The following MYO10 variants were observed in gnomAD, a reference collection of about 807,000 sequenced individuals.
MYO10 encodes myosin X, also known as unconventional myosin-X.
MYO10 carries 133 observed loss-of-function variants against 257.3 expected under a neutral mutation model. That is an observed-to-expected ratio of 0.52 (90% CI 0.45 to 0.60). The LOEUF (loss-of-function observed/expected upper bound fraction) is 0.60. Among genes scored for constraint, MYO10 ranks in the 20% least tolerant of loss-of-function variants. The probability of loss-of-function intolerance (pLI) is 0.00; values close to 1 mark genes in which losing one functional copy is unlikely to be tolerated. For missense variants in MYO10, 2,399 were observed against 2,635.7 expected, an observed-to-expected ratio of 0.91 and a Z score of 1.97; for synonymous variants, 1,104 against 1,028.6, an observed-to-expected ratio of 1.07 and a Z score of -1.40.
intron 9 of MYO10, among the ~76,000 whole-genome samples, chr5:16,770,404 T>G (rs1267564518): frequency 6.6e-6 from 1 of 152,092 alleles, no homozygotes; most frequent in Non-Finnish European, 1.5e-5. Flanking sequence ...TAATGCTGTT[T>G]GAGGAAAAAT....
chr5:16,737,352 C>T (rs1320187828), intron 19 of MYO10, among the ~76,000 whole-genome samples: 1 of 152,138 alleles, frequency 6.6e-6, no homozygotes, highest in Non-Finnish European at 1.5e-5. Flanking sequence ...CTAGGACAGC[C>T]ATTCATCTGA....
chr5:16,768,642 G>C (rs959031396), intron 10 of MYO10, among the ~76,000 whole-genome samples: 1 of 148,956 alleles, frequency 6.7e-6, no homozygotes, highest in Non-Finnish European at 1.5e-5. Context: ...TCTATTCAAG[G>C]AGTCAGAACA....
chr5:16,676,203 C>A (rs776451983), intron 33 of MYO10, 49 bp from the exon 34 acceptor site: 38 of 1,597,520 alleles, frequency 2.4e-5, no homozygotes, highest in Non-Finnish European at 3.2e-5. Context: ...TATTTTCCTA[C>A]ATATAAATAT....
intron 2 of MYO10, among the ~76,000 whole-genome samples, chr5:16,855,041 A>AAC (rs1273580047): frequency 2.0e-5 from 3 of 151,954 alleles, no homozygotes; most frequent in African/African-American, 7.3e-5. Context: ...TCAAAAAAAA[A>AAC]AACCAAAAAA....
Position 16,935,889 on chromosome 5 carries a change from G to A in MYO10, c.-81C>T. ...GCCGCCGCGGGTCCGGGGAAACCAT[G>A]CGTGTCACGGCGCCACTCCCGAGGA... is the stretch of plus-strand genomic sequence containing the variant. On this transcript the variant is annotated 5_prime_UTR_variant, in exon 1 of 41. Transcript: ENST00000513610. 6.4e-7 allele frequency: 1 copy of A among 1,550,766 alleles called. No individual in the cohort carries two copies. The highest frequency in any genetic ancestry group is 8.8e-7 in the Non-Finnish European group (1 of 1,140,424).
chr5:16,779,893 A>T lies in MYO10; in HGVS notation c.827-245T>A, dbSNP rs547387475. Among the ~76,000 whole-genome samples, 15 of 152,256 alleles carry T rather than the reference A, an allele frequency of 9.9e-5. 1 individual carries two copies. In the South Asian group the frequency reaches 2.1e-3, roughly 21 times the overall value. ...ATGAGGATCCTGTTTGTTTTCTCTT[A>T]AAAAATCTTTCTTTTTTCTTTTTAA... On this transcript the variant is annotated intron_variant, in intron 8 of 40. Transcript: ENST00000513610.
chr5:16,878,531 C>T (rs75813237), intron 1 of MYO10, among the ~76,000 whole-genome samples: 4,010 of 152,258 alleles, frequency 0.026, 56 homozygotes, highest in Middle Eastern at 0.058. Flanking sequence ...TTTTTCAAGG[C>T]TCAATTTCAT....
chr5:16,896,215 TTGGGAGGCAGGGG>T (rs1170408627), intron 1 of MYO10, among the ~76,000 whole-genome samples: 1 of 152,046 alleles, frequency 6.6e-6, no homozygotes, highest in Non-Finnish European at 1.5e-5. Context: ...TCCCAGCAGT[TTGGGAGGCAGGGG>T]TGGGAGGATT....
At chr5:16,725,564 T>C (rs554913127) in intron 19 of MYO10, among the ~76,000 whole-genome samples, 28 of 152,214 alleles carry the variant, frequency 1.8e-4, no homozygotes, top group Non-Finnish European at 3.5e-4. Context: ...AAGTGTGTGA[T>C]ATACATTTTT....
intron 1 of MYO10, among the ~76,000 whole-genome samples, chr5:16,886,345 G>C (rs72732274): frequency 1.3e-5 from 2 of 152,284 alleles, no homozygotes; most frequent in Admixed American, 6.5e-5. Context: ...TTGGGCTGGA[G>C]AACAATTATA....
intron 1 of MYO10, among the ~76,000 whole-genome samples, chr5:16,910,681 A>G (rs1362343937): frequency 6.6e-6 from 1 of 151,888 alleles, no homozygotes; most frequent in Non-Finnish European, 1.5e-5. Flanking sequence ...TTCCCTAGCG[A>G]CCCTGCGGGA....
intron 9 of MYO10, among the ~76,000 whole-genome samples, chr5:16,775,475 C>T (rs568871450): frequency 1.3e-5 from 2 of 152,286 alleles, no homozygotes; most frequent in South Asian, 4.2e-4. Flanking sequence ...GTCATCCAGG[C>T]TGCAGTGCAA....
intron 3 of MYO10, chr5:16,815,384 A>G (rs1344958291): frequency 4.4e-6 from 3 of 688,658 alleles, no homozygotes; most frequent in Non-Finnish European, 7.9e-6. Flanking sequence ...TCAGCAACAC[A>G]TCAGCATGCA....
chr5:16,689,030 C>T (rs563037455), intron 28 of MYO10, among the ~76,000 whole-genome samples: 38 of 152,198 alleles, frequency 2.5e-4, no homozygotes, highest in Non-Finnish European at 4.4e-4. Flanking sequence ...TAATCTCAGT[C>T]AAAAGTTAAA....
At chr5:16,699,895 C>CT (rs1737963711) in intron 25 of MYO10, among the ~76,000 whole-genome samples, 1 of 150,316 alleles carries the variant, frequency 6.7e-6, no homozygotes, top group South Asian at 2.1e-4. Flanking sequence ...AAAATACCAA[C>CT]TTTTAAGGTC....
At chr5:16,783,253 C>G (rs1027042996) in intron 5 of MYO10, 82 bp downstream of exon 5, 10 of 1,366,954 alleles carry the variant, frequency 7.3e-6, no homozygotes, top group South Asian at 1.5e-5. Flanking sequence ...ACGCGACCAA[C>G]TAATTTTAAC....
intron 9 of MYO10, among the ~76,000 whole-genome samples, chr5:16,778,839 C>A (rs372469303): frequency 2.6e-5 from 4 of 151,952 alleles, no homozygotes; most frequent in African/African-American, 9.7e-5. Context: ...TATAGGCGCC[C>A]GCCACCACGC....
chr5:16,912,395 A>C (rs926614044), intron 1 of MYO10, among the ~76,000 whole-genome samples: 2 of 152,156 alleles, frequency 1.3e-5, no homozygotes, highest in Non-Finnish European at 2.9e-5. Context: ...ACCACTCCCT[A>C]TGGCACACGA....
rs182381967 is a variant in MYO10 at position 16,859,930 on chromosome 5, T to A, written c.120+17679A>T. Among the ~76,000 whole-genome samples the A allele has an allele frequency of 3.5e-3, 530 of 151,598 alleles. 3 individuals are homozygous for A. Among genetic ancestry groups the A allele is most frequent in the African/African-American group, 0.012 (502 of 41,316 alleles). ...CTCTCTCTCTCAAGATAGAAACAGG[T>A]AAGGGAAATTTCCTCAGAAACATAA... is the stretch of plus-strand genomic sequence containing the variant. On this transcript the variant is annotated intron_variant, in intron 2 of 40. Coordinates refer to ENST00000513610, the MANE Select transcript of MYO10 (RefSeq NM_012334.3).
Sources: allele counts gnomAD v4.1 joint callset (sites outside exome capture counted in the v4.1 genomes callset), GRCh38; gene constraint gnomAD v4.1.1; transcripts MANE v1.5; gene names NCBI Gene and HGNC (gene_info 2026-07-23, HGNC 2026-07-21).